The following DLC1 variants were observed in gnomAD, a reference collection of about 807,000 sequenced individuals.
The protein encoded by DLC1 is DLC1 Rho GTPase activating protein.
A neutral mutation model predicts 140.3 loss-of-function variants in DLC1; 54 were observed. That is an observed-to-expected ratio of 0.38 (90% CI 0.31 to 0.48). DLC1 has a LOEUF of 0.48. DLC1 is among the 20% of genes least tolerant of loss of function. The pLI is 0.96. For synonymous variants in DLC1, 986 were observed against 728.1 expected (o/e 1.35, Z -5.70); for missense variants, 2,536 against 1,907.0 (o/e 1.33, Z -6.14).
chr8:13,153,944 G>A (rs547708577), intron 5 of DLC1, among the ~76,000 whole-genome samples: 1 of 152,218 alleles, frequency 6.6e-6, no homozygotes, highest in East Asian at 1.9e-4. Context: ...ACTGATTGGT[G>A]TGTTTACAAA....
chr8:13,579,682 A>G (rs1019664854), intron 1 of DLC1, among the ~76,000 whole-genome samples: 3 of 144,114 alleles, frequency 2.1e-5, no homozygotes, highest in African/African-American at 7.7e-5. Context: ...GTATGTATGT[A>G]TATTTATATA....
chr8:13,153,470 A>C (rs888699744), intron 5 of DLC1, among the ~76,000 whole-genome samples: 4 of 152,196 alleles, frequency 2.6e-5, no homozygotes. Flanking sequence ...ACTTAAAAAC[A>C]CCAAAGCTTC....
intron 1 of DLC1, among the ~76,000 whole-genome samples, chr8:13,502,248 AAG>A (rs1380383750): frequency 1.3e-5 from 2 of 152,226 alleles, no homozygotes; most frequent in East Asian, 3.9e-4. Flanking sequence ...TCTAACTGGA[AAG>A]AGAGACTATA....
At chr8:13,397,251 G>GA in intron 3 of DLC1, among the ~76,000 whole-genome samples, 1 of 152,242 alleles carries the variant, frequency 6.6e-6, no homozygotes, top group East Asian at 1.9e-4. Context: ...GATTCCCAGG[G>GA]AGAATATTCA....
chr8:13,162,272 AGTT>A (rs1281455504), intron 5 of DLC1, among the ~76,000 whole-genome samples: 1 of 152,074 alleles, frequency 6.6e-6, no homozygotes, highest in Non-Finnish European at 1.5e-5. Context: ...AAATGAAAGC[AGTT>A]GTTGTCTTGG....
chr8:13,127,464 A>G (rs1821678673), intron 5 of DLC1, among the ~76,000 whole-genome samples: 2 of 152,232 alleles, frequency 1.3e-5, no homozygotes, highest in South Asian at 4.1e-4. Flanking sequence ...CATTACATAA[A>G]ATGCCCTTTC....
intron 1 of DLC1, among the ~76,000 whole-genome samples, chr8:13,506,234 T>C (rs1291158329): frequency 6.6e-6 from 1 of 152,032 alleles, no homozygotes; most frequent in Non-Finnish European, 1.5e-5. Context: ...AACACACACA[T>C]ATATATAAAT....
At chr8:13,412,792 T>C (rs561210425) in intron 2 of DLC1, among the ~76,000 whole-genome samples, 3 of 151,442 alleles carry the variant, frequency 2.0e-5, no homozygotes, top group East Asian at 3.9e-4. Context: ...ATTAGCCGGG[T>C]GTGGTGGTGG....
At chr8:13,440,520 T>C (rs1377484743) in intron 2 of DLC1, among the ~76,000 whole-genome samples, 4 of 152,124 alleles carry the variant, frequency 2.6e-5, no homozygotes, top group African/African-American at 9.7e-5. Context: ...GGTAAAGATA[T>C]GAAGATATTT....
intron 1 of DLC1, among the ~76,000 whole-genome samples, chr8:13,601,149 A>G (rs959589586): frequency 2.6e-5 from 4 of 151,760 alleles, no homozygotes; most frequent in Admixed American, 6.6e-5. Flanking sequence ...CAGTTCTAAC[A>G]TAATACTCAG....
In DLC1 at chr8:13,401,477, T is replaced by A. The variant is rs745775316; in HGVS notation, c.1166A>T (p.His389Leu). ...AGAAAGTGGAAAGCTCACAGGAACG[T>A]GCCGCCGCAGGTTTGTTGGTGTGCC... ...PSGTPTNLRR[H>L]VPDLESGSES... Residue 389 changes from histidine to leucine, a missense_variant, in exon 3 of 18, where the codon CAC becomes CTC. Transcript: ENST00000276297. 2 of 1,612,298 alleles carry A rather than the reference T, an allele frequency of 1.2e-6. No homozygotes were observed. The highest frequency in any genetic ancestry group is 1.7e-6 in the Non-Finnish European group (2 of 1,179,948).
intron 5 of DLC1, among the ~76,000 whole-genome samples, chr8:13,232,124 C>T (rs970283102): frequency 5.3e-5 from 8 of 152,216 alleles, no homozygotes; most frequent in African/African-American, 7.2e-5. Context: ...GTGTCTGCAG[C>T]AGAGACAATT....
At position 13,484,809 on chromosome 8, in the gene DLC1, A is replaced by G. The variant is rs562788685; in HGVS notation, c.1023+14240T>C. On this transcript the variant is annotated intron_variant, in intron 2 of 17. Transcript: ENST00000276297. The stretch of plus-strand genomic sequence containing the variant: ...TCTGTCATATATACAGAAAAAGTCC[A>G]TCTCGTCCTTCTCACCTGGGTACCT... 2.2e-4 allele frequency among the ~76,000 whole-genome samples: 33 copies of G among 152,016 alleles called. 2 individuals carry two copies. The South Asian group carries it at 6.5e-3, about 30-fold the overall frequency.
At chr8:13,560,289 C>A (rs563854843) in intron 1 of DLC1, among the ~76,000 whole-genome samples, 1 of 152,030 alleles carries the variant, frequency 6.6e-6, no homozygotes, top group East Asian at 1.9e-4. Flanking sequence ...TAAAAAAAAA[C>A]TTTCACTTAT....
chr8:13,143,626 T>C (rs900618116), intron 5 of DLC1, among the ~76,000 whole-genome samples: 5 of 151,986 alleles, frequency 3.3e-5, no homozygotes, highest in African/African-American at 1.2e-4. Context: ...GGTTGATTTT[T>C]TTTTTTTTTT....
intron 5 of DLC1, among the ~76,000 whole-genome samples, chr8:13,120,356 A>AAAAAAATATATATATATATATATATATAT: frequency 1.6e-5 from 1 of 61,124 alleles, no homozygotes; most frequent in Non-Finnish European, 3.8e-5. Context: ...AAAAAAAAAA[A>AAAAAAATATATATATATATATATATATAT]ATATATATAT....
chr8:13,187,542 C>T (rs1826453240), intron 5 of DLC1, among the ~76,000 whole-genome samples: 1 of 151,960 alleles, frequency 6.6e-6, no homozygotes, highest in Non-Finnish European at 1.5e-5. Context: ...CCAAGATGTG[C>T]AGAAAGATGA....
chr8:13,128,694 A>G (rs1477727301), intron 5 of DLC1, among the ~76,000 whole-genome samples: 1 of 152,060 alleles, frequency 6.6e-6, no homozygotes, highest in East Asian at 1.9e-4. Flanking sequence ...TTAGCTGGGC[A>G]TTGTGGCGGC....
intron 3 of DLC1, among the ~76,000 whole-genome samples, chr8:13,399,050 G>A (rs979871377): frequency 7.9e-5 from 12 of 152,150 alleles, no homozygotes; most frequent in Non-Finnish European, 1.6e-4. Context: ...AGAACAGCAG[G>A]GGAGGCCCAA....
Sources: gnomAD v4.1 joint callset for allele counts (sites outside exome capture counted in the v4.1 genomes callset) on GRCh38, gnomAD v4.1.1 for gene constraint, MANE v1.5 for transcripts, NCBI Gene and HGNC (gene_info 2026-07-23, HGNC 2026-07-21) for gene names.